The following RABEPK variants were observed in gnomAD, a reference collection of about 807,000 sequenced individuals.
RABEPK encodes 40 kDa Rab9 effector protein.
A neutral mutation model predicts 34.1 loss-of-function variants in RABEPK; 27 were observed. That is an observed-to-expected ratio of 0.79 (90% confidence interval 0.58 to 1.09). The LOEUF (loss-of-function observed/expected upper bound fraction) is 1.09, where lower values mean the gene tolerates loss of function less well. RABEPK is among the 50% of genes least tolerant of loss of function. The pLI, the probability that RABEPK is intolerant of heterozygous loss-of-function variation, is 0.00. For synonymous variants in RABEPK, 172 were observed against 169.2 expected, an observed-to-expected ratio of 1.02 and a Z score of -0.13; for missense variants, 449 against 462.6, an observed-to-expected ratio of 0.97 and a Z score of 0.27.
intron 5 of RABEPK, among the ~76,000 whole-genome samples, chr9:125,226,174 G>A (rs1831730811): frequency 6.6e-6 from 1 of 150,738 alleles, no homozygotes; most frequent in African/African-American, 2.4e-5. Flanking sequence ...AAAATTAGCT[G>A]GGTGTGGTTT....
At chr9:125,206,037 A>G (rs1304510255) in intron 2 of RABEPK, among the ~76,000 whole-genome samples, 2 of 152,176 alleles carry the variant, frequency 1.3e-5, no homozygotes, top group Non-Finnish European at 2.9e-5. Flanking sequence ...GTGCAGAACC[A>G]AAGGAAGGGA....
Position 125,207,557 on chromosome 9 carries a change from T to G in RABEPK, c.54-7T>G, listed in dbSNP as rs767126462. 4 of 1,613,458 alleles carry G rather than the reference T, an allele frequency of 2.5e-6. No homozygotes were observed. In the South Asian group the frequency reaches 4.4e-5, roughly 18 times the overall value. ...CAGGCCTCCTGAATACATCCTTCCT[T>G]TGGCAGGTACACCTTGACTGTCCCT... On this transcript the variant is annotated splice_polypyrimidine_tract_variant and splice_region_variant and intron_variant, in intron 2 of 7. Transcript: ENST00000373538.
At chr9:125,232,818 C>G in intron 7 of RABEPK, 73 bp downstream of exon 7, 1 of 1,467,320 alleles carries the variant, frequency 6.8e-7, no homozygotes, top group Non-Finnish European at 9.2e-7. Context: ...TGGCTCACGC[C>G]TGTAATCCCA....
Position 125,205,691 on chromosome 9 carries a change from T to C in RABEPK, c.54-1873T>C, listed in dbSNP as rs1297163923. 2.0e-5 allele frequency among the ~76,000 whole-genome samples: 3 copies of C among 152,172 alleles called. No individual in the cohort carries two copies. In the East Asian group the frequency reaches 5.8e-4, roughly 29 times the overall value. On this transcript the variant is annotated intron_variant, in intron 2 of 7. Transcript: ENST00000373538. ...TTTTAGTAGAGACGGGGTTTCATCA[T>C]GTTGCCCAGGATGGTCTCAATCTCT...
At position 125,218,321 on chromosome 9, in the gene RABEPK, C is replaced by CAAAAAAAAAAA. The variant is rs71374234; in HGVS notation, c.365-2201_365-2191dup. On this transcript the variant is annotated intron_variant, in intron 4 of 7. Transcript: ENST00000373538. ...TGGGAGCCACAGCGAGACTCCGTCT[C>CAAAAAAAAAAA]AAAAAAAAAAAAAAAAAAAAAAAAA... Among the ~76,000 whole-genome samples the CAAAAAAAAAAA allele has an allele frequency of 1.7e-4, 7 of 41,150 alleles. 1 individual carries two copies. The highest frequency in any genetic ancestry group is 2.5e-4 in the Non-Finnish European group (6 of 23,944). 27.0% of individuals were successfully genotyped at this position (41,150 alleles called of 152,430 possible).
chr9:125,227,149 G>A (rs951756042), intron 5 of RABEPK, among the ~76,000 whole-genome samples: 3 of 152,000 alleles, frequency 2.0e-5, no homozygotes, highest in African/African-American at 4.8e-5. Flanking sequence ...CAGCCTGGGC[G>A]ACAAGACCGA....
At chr9:125,209,199 T>G (rs1452098622) in intron 3 of RABEPK, among the ~76,000 whole-genome samples, 1 of 151,628 alleles carries the variant, frequency 6.6e-6, no homozygotes, top group African/African-American at 2.4e-5. Context: ...TAGCTGGGAT[T>G]ACAGGTGTGC....
At position 125,207,637 on chromosome 9, in the gene RABEPK, G is replaced by C. The variant is rs1830308763; in HGVS notation, c.127G>C (p.Gly43Arg). The change falls in exon 3 of 8, where the codon GGT becomes CGT. Residue 43 changes from glycine (G) to arginine (R), a missense_variant. Coordinates refer to ENST00000373538, the MANE Select transcript of RABEPK (RefSeq NM_005833.4). ...GHSCSYLPPV[G>R]NAKRGKVFIV... ...CAGCTGTTCATATTTACCCCCAGTT[G>C]GTAATGCCAAGAGAGGGAAGGTCTT... 6.2e-7 allele frequency: 1 copy of C among 1,614,092 alleles called. No individual in the cohort carries two copies. Among genetic ancestry groups the C allele is most frequent in the Non-Finnish European group, 8.5e-7 (1 of 1,179,962 alleles).
intron 5 of RABEPK, chr9:125,221,211 G>A (rs140469130): frequency 6.6e-6 from 1 of 151,080 alleles, no homozygotes; most frequent in African/African-American, 2.4e-5. Flanking sequence ...AAACTAAAAA[G>A]GTAGGCCGGG....
Position 125,200,979 on chromosome 9 carries a change from A to C in RABEPK, c.-7+73A>C, listed in dbSNP as rs1439372807. The C allele has an allele frequency of 4.9e-4, 190 of 391,174 alleles. 2 individuals carry two copies. Among genetic ancestry groups the C allele is most frequent in the Non-Finnish European group, 1.3e-4 (25 of 191,550 alleles). The allele number at this position is 391,174 out of a possible 1,614,324, so 24.2% of individuals were successfully genotyped here. ...CTAGCCACTCCCCCACTTCTACTCCATGCCAGGTCCATTGGTAGGTTCTCG... is the reference window on the plus strand; with the variant it reads ...CTAGCCACTCCCCCACTTCTACTCCCTGCCAGGTCCATTGGTAGGTTCTCG... On this transcript the variant is annotated intron_variant, in intron 1 of 7. Coordinates refer to ENST00000373538, the MANE Select transcript of RABEPK (RefSeq NM_005833.4).
chr9:125,224,263 G>T (rs552017310), intron 5 of RABEPK, among the ~76,000 whole-genome samples: 1 of 151,122 alleles, frequency 6.6e-6, no homozygotes, highest in South Asian at 2.1e-4. Context: ...AGACTTTTCT[G>T]GTATATAGAA....
intron 5 of RABEPK, among the ~76,000 whole-genome samples, chr9:125,225,438 C>T (rs959108126): frequency 2.0e-5 from 3 of 151,844 alleles, no homozygotes; most frequent in Non-Finnish European, 4.4e-5. Flanking sequence ...AATCCCAGCA[C>T]TTTGGGAGGC....
intron 5 of RABEPK, chr9:125,220,953 G>A (rs774672711): frequency 1.9e-5 from 7 of 363,082 alleles, no homozygotes; most frequent in Non-Finnish European, 3.4e-5. Context: ...GACCGCTTAA[G>A]GTCAGGAGTT....
intron 4 of RABEPK, among the ~76,000 whole-genome samples, chr9:125,216,966 C>CAA (rs564126096): frequency 6.9e-5 from 5 of 72,368 alleles, no homozygotes; most frequent in Admixed American, 1.6e-4. Context: ...GACACCGTCT[C>CAA]AAAAAAAAAA....
chr9:125,205,536 A>G (rs2131368992), intron 2 of RABEPK, among the ~76,000 whole-genome samples: 1 of 152,284 alleles, frequency 6.6e-6, no homozygotes, highest in East Asian at 1.9e-4. Context: ...CTCTGTTGGC[A>G]GGTTGGAGTG....
At chr9:125,231,234 C>T (rs192341951) in intron 6 of RABEPK, among the ~76,000 whole-genome samples, 101 of 152,106 alleles carry the variant, frequency 6.6e-4, no homozygotes, top group African/African-American at 2.2e-3. Context: ...GTGGAGGTTG[C>T]AGTGAGCTGA....
At chr9:125,232,526 C>A (rs893451333) in intron 6 of RABEPK, 70 bp from the exon 7 acceptor site, 11 of 1,502,820 alleles carry the variant, frequency 7.3e-6, no homozygotes, top group Non-Finnish European at 9.9e-6. Flanking sequence ...GTGCAAACTA[C>A]AGTAGATAGA....
chr9:125,205,019 C>T (rs1360640486), intron 2 of RABEPK, among the ~76,000 whole-genome samples: 1 of 151,882 alleles, frequency 6.6e-6, no homozygotes, highest in South Asian at 2.1e-4. Context: ...GACCCAGTCT[C>T]GCTATGTTGC....
chr9:125,224,229 CA>C (rs1831572566), intron 5 of RABEPK, among the ~76,000 whole-genome samples: 1 of 149,450 alleles, frequency 6.7e-6, no homozygotes, highest in South Asian at 2.1e-4. Context: ...AAAAAAACAA[CA>C]GAGTTTTTGC....
Sources: gnomAD v4.1 joint callset for allele counts (sites outside exome capture counted in the v4.1 genomes callset) on GRCh38, gnomAD v4.1.1 for gene constraint, MANE v1.5 for transcripts, NCBI Gene and HGNC (gene_info 2026-07-23, HGNC 2026-07-21) for gene names.